PTPDC1: variants seen among roughly 807,000 people sequenced by gnomAD.
PTPDC1 encodes protein tyrosine phosphatase domain-containing protein 1.
A neutral mutation model predicts 75.3 loss-of-function variants in PTPDC1; 53 were observed. The ratio of observed to expected loss-of-function variants is 0.70; its 90% CI spans 0.56 to 0.88. The LOEUF (loss-of-function observed/expected upper bound fraction) is 0.88, where lower values mean the gene tolerates loss of function less well. PTPDC1 is among the 40% of genes least tolerant of loss of function. The probability of loss-of-function intolerance (pLI) is 0.00; values close to 1 mark genes in which losing one functional copy is unlikely to be tolerated. For missense variants in PTPDC1, 925 were observed against 998.6 expected (o/e 0.93, Z 0.99); for synonymous variants, 349 against 366.2 (o/e 0.95, Z 0.54).
chr9:94,074,094 C>T (rs1291255317), intron 2 of PTPDC1, among the ~76,000 whole-genome samples: 4 of 152,196 alleles, frequency 2.6e-5, no homozygotes, highest in African/African-American at 9.6e-5. Flanking sequence ...TGATTTTCCT[C>T]ATTCTTGGTA....
chr9:94,106,001 A>G (rs1828012319), intron 8 of PTPDC1, among the ~76,000 whole-genome samples: 1 of 152,076 alleles, frequency 6.6e-6, no homozygotes, highest in Non-Finnish European at 1.5e-5. Flanking sequence ...AATTCACACC[A>G]TTATTAATGT....
intron 1 of PTPDC1, among the ~76,000 whole-genome samples, chr9:94,060,329 G>A (rs1826088442): frequency 6.6e-6 from 1 of 152,230 alleles, no homozygotes; most frequent in Admixed American, 6.5e-5. Flanking sequence ...ATATTGTGGA[G>A]AGTGTGCTCA....
At chr9:94,032,635 C>T (rs922086211) in intron 1 of PTPDC1, among the ~76,000 whole-genome samples, 2 of 152,150 alleles carry the variant, frequency 1.3e-5, no homozygotes, top group African/African-American at 4.8e-5. Context: ...ATATTCTGAT[C>T]CTCCTTGAAA....
At chr9:94,080,477 T>C (rs1447018294), upstream of PTPDC1, among the ~76,000 whole-genome samples, 2 of 152,172 alleles carry the variant, frequency 1.3e-5, no homozygotes, top group African/African-American at 2.4e-5. Context: ...ATAATATCCA[T>C]ATTCTTTAGC....
chr9:94,066,961 C>T (rs11788176), intron 2 of PTPDC1, among the ~76,000 whole-genome samples: 37,582 of 152,002 alleles, frequency 0.25, 4,970 homozygotes, highest in Admixed American at 0.3. Context: ...TGTATCATCC[C>T]CCATATATGC....
At chr9:94,048,086 C>G (rs981037489) in intron 1 of PTPDC1, among the ~76,000 whole-genome samples, 13 of 151,730 alleles carry the variant, frequency 8.6e-5, no homozygotes, top group Non-Finnish European at 2.9e-5. Flanking sequence ...CTGTTTGATT[C>G]TTCTCTCTAT....
rs1282521638 is a variant in PTPDC1, at chr9:94,098,078, C to T, written c.1512C>T (p.Arg504=). ...ACTTACACAAGGAAGCCTTGGTTCG[C>T]AGCACACTTTCTTTCTGGAGTCAGT... is the stretch of plus-strand genomic sequence containing the variant. ...EPDLHKEALV[R]STLSFWSQSK... Residue 504 remains arginine (R), a synonymous_variant, in exon 6 of 9, where the codon CGC becomes CGT. Coordinates refer to ENST00000620992, the MANE Select transcript of PTPDC1 (RefSeq NM_001253829.2). 6.2e-7 allele frequency: 1 copy of T among 1,614,198 alleles called. No individual in the cohort carries two copies. The highest frequency in any genetic ancestry group is 8.5e-7 in the Non-Finnish European group (1 of 1,180,042).
intron 1 of PTPDC1, among the ~76,000 whole-genome samples, chr9:94,035,605 G>A (rs911313658): frequency 5.3e-5 from 8 of 152,104 alleles, no homozygotes; most frequent in African/African-American, 1.4e-4. Flanking sequence ...GTTTGATTCC[G>A]TAACTTGGCC....
chr9:94,088,045 G>A, intron 3 of PTPDC1, 100 bp from the exon 4 acceptor site: 2 of 1,490,502 alleles, frequency 1.3e-6, no homozygotes, highest in East Asian at 2.3e-5. Flanking sequence ...GAGAAATTAA[G>A]ATTTTTGAGA....
intron 1 of PTPDC1, among the ~76,000 whole-genome samples, chr9:94,040,221 G>C (rs981036507): frequency 6.6e-6 from 1 of 152,138 alleles, no homozygotes; most frequent in Non-Finnish European, 1.5e-5. Flanking sequence ...TTTAGAGTTT[G>C]ATTAATTACA....
intron 1 of PTPDC1, among the ~76,000 whole-genome samples, chr9:94,056,050 G>A (rs1353921141): frequency 3.9e-5 from 6 of 152,032 alleles, no homozygotes; most frequent in Admixed American, 3.9e-4. Context: ...ATGGGTATAT[G>A]GGAAGCCTCT....
rs1827646420 is a variant in PTPDC1, at chr9:94,097,640, A to G, written c.1074A>G (p.Pro358=). The part of the protein sequence containing the change: ...KLLLDLAENR[P]VMMKDVSEGP... ...TGCTGGACTTAGCGGAGAACAGGCCAGTGATGATGAAGGATGTGTCCGAAG... is the reference window on the plus strand; with the variant it reads ...TGCTGGACTTAGCGGAGAACAGGCCGGTGATGATGAAGGATGTGTCCGAAG... The change falls in exon 6 of 9, where the codon CCA becomes CCG. Residue 358 remains proline (P), a synonymous_variant. Transcript: ENST00000620992. 4 of 1,614,132 alleles carry G rather than the reference A, an allele frequency of 2.5e-6. No individual in the cohort carries two copies. The East Asian group carries it at 6.7e-5, about 27-fold the overall frequency.
At chr9:94,102,984 C>T (rs1271034030) in intron 7 of PTPDC1, among the ~76,000 whole-genome samples, 1 of 138,890 alleles carries the variant, frequency 7.2e-6, no homozygotes, top group Non-Finnish European at 1.5e-5. Context: ...AAATCTTCTG[C>T]TGTTACTACA....
At chr9:94,059,627 C>T (rs189668203) in intron 1 of PTPDC1, among the ~76,000 whole-genome samples, 20 of 152,190 alleles carry the variant, frequency 1.3e-4, no homozygotes, top group Admixed American at 5.2e-4. Context: ...GGTTTAAAGA[C>T]GGTAGCATAA....
At chr9:94,031,627 C>T (rs1829729015) in intron 1 of PTPDC1, among the ~76,000 whole-genome samples, 1 of 152,010 alleles carries the variant, frequency 6.6e-6, no homozygotes, top group Admixed American at 6.5e-5. Flanking sequence ...GGTGATATTG[C>T]TCATGTTCTT....
chr9:94,097,180 A>T (rs1421699185), intron 5 of PTPDC1, 141 bp from the exon 6 acceptor site: 1 of 648,084 alleles, frequency 1.5e-6, no homozygotes, highest in East Asian at 2.8e-5. Context: ...CAAAGTTATC[A>T]TCATAATTGT....
Position 94,085,377 on chromosome 9 carries a change from G to T in PTPDC1, c.371G>T (p.Arg124Leu), listed in dbSNP as rs151059467. 5 of 1,614,190 alleles carry T rather than the reference G, an allele frequency of 3.1e-6. No individual in the cohort carries two copies. The highest frequency in any genetic ancestry group is 4.2e-6 in the Non-Finnish European group (5 of 1,180,032). ...GRACKYENPA[R>L]WSEQEQAIKG... ...GCTTGCAAGTATGAGAACCCAGCCC[G>T]CTGGAGTGAGCAGGAGCAAGCCATT... The change falls in exon 2 of 9, where the codon CGC becomes CTC. Residue 124 changes from arginine (R) to leucine (L), a missense_variant. Arg to Leu is a moderately radical substitution (Grantham distance 102). Coordinates refer to ENST00000620992, the MANE Select transcript of PTPDC1 (RefSeq NM_001253829.2).
intron 2 of PTPDC1, among the ~76,000 whole-genome samples, chr9:94,077,163 A>G (rs1449470814): frequency 1.3e-5 from 2 of 152,242 alleles, no homozygotes; most frequent in East Asian, 1.9e-4. Flanking sequence ...TGTTCTACCA[A>G]TTAGCACTTG....
chr9:94,044,045 T>A (rs1825513472), intron 1 of PTPDC1, among the ~76,000 whole-genome samples: 1 of 152,214 alleles, frequency 6.6e-6, no homozygotes, highest in African/African-American at 2.4e-5. Flanking sequence ...CCCTCTATAT[T>A]TATTGTTGTA....
Sources: gnomAD v4.1 joint callset for allele counts (sites outside exome capture counted in the v4.1 genomes callset) on GRCh38, gnomAD v4.1.1 for gene constraint, MANE v1.5 for transcripts, NCBI Gene and HGNC (gene_info 2026-07-23, HGNC 2026-07-21) for gene names.